AGTPBP1: variants seen among roughly 807,000 people sequenced by gnomAD.
The protein encoded by AGTPBP1 is ATP/GTP binding carboxypeptidase 1.
A neutral mutation model predicts 143.9 loss-of-function variants in AGTPBP1; 70 were observed. The ratio of observed to expected loss-of-function variants is 0.49; its 90% CI spans 0.40 to 0.59. The LOEUF is 0.59. Among genes scored for constraint, AGTPBP1 ranks in the 20% least tolerant of loss-of-function variants. The pLI, the probability that AGTPBP1 is intolerant of heterozygous loss-of-function variation, is 0.00. For synonymous variants in AGTPBP1, 463 were observed against 500.2 expected, an observed-to-expected ratio of 0.93 and a Z score of 0.99; for missense variants, 1,229 against 1,464.5, an observed-to-expected ratio of 0.84 and a Z score of 2.62.
intron 25 of AGTPBP1, among the ~76,000 whole-genome samples, chr9:85,568,280 T>C (rs979387966): frequency 6.6e-6 from 1 of 152,204 alleles, no homozygotes; most frequent in South Asian, 2.1e-4. Flanking sequence ...GCACTTATAT[T>C]TGTATTCTTT....
At chr9:85,661,099 T>C (rs181930929) in intron 8 of AGTPBP1, 126 bp from the exon 9 acceptor site, 1 of 741,468 alleles carries the variant, frequency 1.3e-6, no homozygotes, top group Admixed American at 3.5e-5. Context: ...TACTCTTGTT[T>C]AAGATAATTA....
intron 11 of AGTPBP1, among the ~76,000 whole-genome samples, chr9:85,650,042 CT>C (rs35903806): frequency 0.048 from 5,255 of 109,198 alleles, 86 homozygotes; most frequent in Non-Finnish European, 0.065. Flanking sequence ...CTAAACTTTC[CT>C]TTTTTTTTTT....
chr9:85,592,584 A>G lies in AGTPBP1; in HGVS notation c.2544T>C (p.Tyr848=). The part of the protein sequence containing the change: ...KDDVCYFAYH[Y]PYTYSTLQMH... Reference sequence around the variant, plus strand: ...CCTGTAAAGTTGAATACGTATATGGATAGTGATAAGCAAAGTAGCAAACAT... The same window carrying G: ...CCTGTAAAGTTGAATACGTATATGGGTAGTGATAAGCAAAGTAGCAAACAT... The change falls in exon 19 of 26, where the codon TAT becomes TAC. Residue 848 remains tyrosine (Y), a synonymous_variant. Coordinates refer to ENST00000357081, the MANE Select transcript of AGTPBP1 (RefSeq NM_001330701.2). 6.2e-7 allele frequency: 1 copy of G among 1,610,004 alleles called. No homozygotes were observed. The highest frequency in any genetic ancestry group is 1.7e-5 in the Admixed American group (1 of 59,374).
chr9:85,652,736 T>C lies in AGTPBP1; in HGVS notation c.1087+2407A>G, dbSNP rs887988613. ...GAGTTCTGTGAGCCATTCTAGCAAA[T>C]TATCAAACTTCAGGAACAGGTTGTG... is the stretch of plus-strand genomic sequence containing the variant. On this transcript the variant is annotated intron_variant, in intron 11 of 25. Transcript: ENST00000357081. Among the ~76,000 whole-genome samples, 3 of 152,254 alleles carry C rather than the reference T, an allele frequency of 2.0e-5. No homozygotes were observed. In the East Asian group the frequency reaches 5.8e-4, roughly 29 times the overall value.
chr9:85,696,827 A>G (rs1485828423), intron 2 of AGTPBP1, among the ~76,000 whole-genome samples: 2 of 152,248 alleles, frequency 1.3e-5, no homozygotes, highest in Non-Finnish European at 1.5e-5. Context: ...ACAAAAGTTC[A>G]CTAATATGGT....
intron 22 of AGTPBP1, 76 bp downstream of exon 22, chr9:85,586,755 T>G: frequency 6.6e-7 from 1 of 1,513,860 alleles, no homozygotes; most frequent in Non-Finnish European, 9.0e-7. Flanking sequence ...CTCATGATTA[T>G]CACACAAGTG....
chr9:85,587,487 A>G (rs548670335), intron 21 of AGTPBP1, among the ~76,000 whole-genome samples: 1 of 152,202 alleles, frequency 6.6e-6, no homozygotes, highest in Non-Finnish European at 1.5e-5. Flanking sequence ...ATAAGCAGAT[A>G]ATCATAAAGT....
chr9:85,664,086 C>CCATTCATAT (rs1226239067), intron 8 of AGTPBP1, among the ~76,000 whole-genome samples: 1 of 152,126 alleles, frequency 6.6e-6, no homozygotes, highest in African/African-American at 2.4e-5. Context: ...CACTATGAAT[C>CCATTCATAT]CATTCATATA....
chr9:85,559,945 T>G (rs915868684), intron 25 of AGTPBP1, among the ~76,000 whole-genome samples: 2 of 152,218 alleles, frequency 1.3e-5, no homozygotes, highest in African/African-American at 4.8e-5. Context: ...ACTTTTGTTT[T>G]GCAATAAATC....
chr9:85,594,534 T>A (rs886578823), intron 18 of AGTPBP1, among the ~76,000 whole-genome samples: 1 of 152,046 alleles, frequency 6.6e-6, no homozygotes, highest in Admixed American at 6.6e-5. Context: ...GAGGCTGCAG[T>A]GAGTCGGACT....
chr9:85,727,156 G>A (rs1315176378), intron 1 of AGTPBP1, among the ~76,000 whole-genome samples: 2 of 151,916 alleles, frequency 1.3e-5, no homozygotes, highest in African/African-American at 2.4e-5. Flanking sequence ...GTGAAACCCC[G>A]TCTCTACCAA....
chr9:85,666,769 G>A (rs973721882), intron 8 of AGTPBP1, among the ~76,000 whole-genome samples: 1 of 151,864 alleles, frequency 6.6e-6, no homozygotes, highest in African/African-American at 2.4e-5. Context: ...AGGAGATCAT[G>A]GCCATTATAT....
chr9:85,781,209 T>C, the AGTPBP1 span: 31 of 1,502,430 alleles, frequency 2.1e-5, no homozygotes, highest in African/African-American at 2.9e-4. Flanking sequence ...TAGAACAAGA[T>C]GGAGAAGGCA....
chr9:85,596,886 CAT>C (rs1829332279), intron 17 of AGTPBP1, among the ~76,000 whole-genome samples: 2 of 152,088 alleles, frequency 1.3e-5, no homozygotes, highest in Admixed American at 6.6e-5. Context: ...GTTCTCCATA[CAT>C]ATATGTGTTT....
the AGTPBP1 span, among the ~76,000 whole-genome samples, chr9:85,757,123 G>A: frequency 1.3e-5 from 2 of 152,130 alleles, no homozygotes; most frequent in South Asian, 4.1e-4. Flanking sequence ...CTGGAGTGCA[G>A]TGGCGCGATC....
chr9:85,727,863 A>T (rs559855465), intron 1 of AGTPBP1, among the ~76,000 whole-genome samples: 5 of 152,046 alleles, frequency 3.3e-5, no homozygotes, highest in South Asian at 2.1e-4. Flanking sequence ...ACAAAAAAAT[A>T]AAAAAATTAA....
intron 25 of AGTPBP1, among the ~76,000 whole-genome samples, chr9:85,552,642 C>A (rs1201021504): frequency 6.6e-6 from 1 of 152,166 alleles, no homozygotes; most frequent in East Asian, 1.9e-4. Flanking sequence ...CACAAAGTTG[C>A]TGGGCTCATA....
At position 85,575,250 on chromosome 9, in the gene AGTPBP1, T is replaced by C. The variant is rs867097848; in HGVS notation, c.3503+65A>G. 7.0e-6 allele frequency: 9 copies of C among 1,278,012 alleles called. No homozygotes were observed. In the South Asian group the frequency reaches 1.7e-4, roughly 24 times the overall value. 79.2% of individuals were successfully genotyped at this position (1,278,012 alleles called of 1,614,324 possible). ...CCTGTCAAAATTTCCATGCCTTTTC[T>C]GCTATTTTAATGAAGTCTAATAATA... On this transcript the variant is annotated intron_variant, in intron 25 of 25. Transcript: ENST00000357081.
chr9:85,572,436 C>T (rs888407109), intron 25 of AGTPBP1, among the ~76,000 whole-genome samples: 1 of 151,944 alleles, frequency 6.6e-6, no homozygotes, highest in African/African-American at 2.4e-5. Flanking sequence ...TAAACTCCTT[C>T]TCATAATACT....
Sources: allele counts gnomAD v4.1 joint callset (sites outside exome capture counted in the v4.1 genomes callset), GRCh38; gene constraint gnomAD v4.1.1; transcripts MANE v1.5; gene names NCBI Gene and HGNC (gene_info 2026-07-23, HGNC 2026-07-21).